The following RAB5B variants were observed in gnomAD, a reference collection of about 807,000 sequenced individuals.
RAB5B encodes RAB5B, member RAS oncogene family, also known as ras-related protein Rab-5B.
A neutral mutation model predicts 28.6 loss-of-function variants in RAB5B; 11 were observed. That is an observed-to-expected ratio of 0.38 (90% confidence interval 0.24 to 0.64). RAB5B has a LOEUF of 0.64. Ranked by LOEUF, RAB5B falls within the 30% of genes least tolerant of loss-of-function variation. The pLI is 0.53. For missense variants in RAB5B, 169 were observed against 265.6 expected (o/e 0.64, Z 2.53); for synonymous variants, 93 against 97.9 (o/e 0.95, Z 0.29).
At chr12:55,990,461 G>A (rs1890080618) in intron 3 of RAB5B, among the ~76,000 whole-genome samples, 1 of 152,106 alleles carries the variant, frequency 6.6e-6, no homozygotes, top group Non-Finnish European at 1.5e-5. Context: ...GTTAGTTTGG[G>A]GCAGGGGGTA....
intron 1 of RAB5B, among the ~76,000 whole-genome samples, chr12:55,979,983 A>G (rs1477430337): frequency 2.0e-5 from 3 of 152,136 alleles, no homozygotes; most frequent in African/African-American, 7.2e-5. Flanking sequence ...TTTTGTGCAA[A>G]TGGTGGCCTT....
intron 1 of RAB5B, chr12:55,980,732 T>G: frequency 6.3e-7 from 1 of 1,579,668 alleles, no homozygotes; most frequent in East Asian, 2.2e-5. Flanking sequence ...TTTCATCCAG[T>G]TCTGAATATT....
chr12:55,987,130 G>A lies in RAB5B; in HGVS notation c.163+7G>A. On this transcript the variant is annotated splice_region_variant and intron_variant, in intron 2 of 5. Transcript: ENST00000360299. ...CAGGAGAGCACCATTGGAGGTGAGT[G>A]CCTTGGGGTAATAGGAGATTGAATG... The A allele has an allele frequency of 1.9e-6, 3 of 1,609,414 alleles. No homozygotes were observed. The highest frequency in any genetic ancestry group is 2.5e-6 in the Non-Finnish European group (3 of 1,177,174).
chr12:55,977,635 G>A (rs528393980), intron 1 of RAB5B, among the ~76,000 whole-genome samples: 1 of 152,170 alleles, frequency 6.6e-6, no homozygotes, highest in Non-Finnish European at 1.5e-5. Flanking sequence ...CAGATTGGAA[G>A]GTAACCAAAG....
intron 2 of RAB5B, among the ~76,000 whole-genome samples, chr12:55,989,720 C>T (rs1448716449): frequency 6.6e-6 from 1 of 152,236 alleles, no homozygotes; most frequent in African/African-American, 2.4e-5. Flanking sequence ...GATGTACCCC[C>T]ATTCCTTAGC....
rs753249350 is a variant in RAB5B at position 55,992,351 on chromosome 12, G to A, written c.*139G>A. On this transcript the variant is annotated 3_prime_UTR_variant, in exon 6 of 6. Transcript: ENST00000360299. The stretch of plus-strand genomic sequence containing the variant: ...CCAAGGGCTGCCTCCTGACAGCTCC[G>A]TCATGGCACTTTTTAACGCTTCAGC... 2.5e-5 allele frequency: 19 copies of A among 751,496 alleles called. 1 individual carries two copies. Among genetic ancestry groups the A allele is most frequent in the Middle Eastern group, 4.8e-4 (2 of 4,124 alleles). The allele number at this position is 751,496 out of a possible 1,614,324, so 46.6% of individuals were successfully genotyped here. A position where few individuals can be genotyped will look rare whatever the true frequency, so the allele number is the denominator to read the frequency against.
intron 2 of RAB5B, among the ~76,000 whole-genome samples, chr12:55,988,296 C>G (rs117165060): frequency 1.3e-5 from 2 of 152,286 alleles, no homozygotes; most frequent in East Asian, 3.9e-4. Context: ...CACGCCAGTG[C>G]ATTTTATCCT....
intron 1 of RAB5B, chr12:55,985,569 CA>C: frequency 2.8e-6 from 1 of 352,796 alleles, no homozygotes; most frequent in Admixed American, 3.6e-5. Flanking sequence ...CTCAAAGTCC[CA>C]ACTCTTCTCT....
chr12:55,984,330 C>T (rs997490851), intron 1 of RAB5B, among the ~76,000 whole-genome samples: 1 of 152,154 alleles, frequency 6.6e-6, no homozygotes, highest in African/African-American at 2.4e-5. Context: ...GCTGGGACTA[C>T]AGGCACGCGC....
At chr12:55,981,001 C>T in intron 1 of RAB5B, 4 of 1,614,110 alleles carry the variant, frequency 2.5e-6, no homozygotes, top group Non-Finnish European at 3.4e-6. Context: ...CGATCAGCAG[C>T]AACTTGAAGA....
Position 55,990,816 on chromosome 12 carries a change from C to T in RAB5B, c.438+12C>T, listed in dbSNP as rs201099877. 22 of 1,612,768 alleles carry T rather than the reference C, an allele frequency of 1.4e-5. No homozygotes were observed. Among genetic ancestry groups the T allele is most frequent in the Admixed American group, 1.7e-5 (1 of 59,934 alleles). On this transcript the variant is annotated intron_variant, in intron 4 of 5. Transcript: ENST00000360299. ...TGGTGGAGTATGAAGTAAGGTGGCC[C>T]GTGGAGTTCCTCTCTAACACTTCCT... is the stretch of plus-strand genomic sequence containing the variant.
chr12:55,995,972 C>CATATATATATATATATAT lies in RAB5B; in HGVS notation c.*3771_*3772insTATATATATATATATATA, dbSNP rs34061457. Reference sequence around the variant, plus strand: ...CTCTCTCTCTCACTCTCTCTCTCTCCATATATATATACATATATATATATA... The same window carrying CATATATATATATATATAT: ...CTCTCTCTCTCACTCTCTCTCTCTCCATATATATATATATATATATATATATATACATATATATATATA... On this transcript the variant is annotated 3_prime_UTR_variant, in exon 6 of 6. Transcript: ENST00000360299. 1 of 108,920 alleles carries CATATATATATATATATAT rather than the reference C, an allele frequency of 9.2e-6. No individual in the cohort carries two copies. The highest frequency in any genetic ancestry group is 4.0e-5 in the African/African-American group (1 of 25,098). 6.7% of individuals were successfully genotyped at this position (108,920 alleles called of 1,614,324 possible).
chr12:55,984,299 C>T (rs2136480249), intron 1 of RAB5B, among the ~76,000 whole-genome samples: 1 of 152,180 alleles, frequency 6.6e-6, no homozygotes, highest in Non-Finnish European at 1.5e-5. Flanking sequence ...AAGCAGTTCA[C>T]CTGCCTCAAC....
intron 1 of RAB5B, among the ~76,000 whole-genome samples, chr12:55,982,390 A>G (rs1017305160): frequency 3.3e-5 from 5 of 152,248 alleles, no homozygotes; most frequent in African/African-American, 1.2e-4. Context: ...ACCCTTATAA[A>G]CATGATAAGA....
At position 55,990,081 on chromosome 12, in the gene RAB5B, T is replaced by C. The variant is rs1354150109; in HGVS notation, c.298T>C (p.Tyr100His). 2 of 1,613,876 alleles carry C rather than the reference T, an allele frequency of 1.2e-6. No individual in the cohort carries two copies. The highest frequency in any genetic ancestry group is 3.3e-5 in the Admixed American group (2 of 59,944). The change falls in exon 3 of 6, where the codon TAC becomes CAC. Residue 100 changes from tyrosine (Y) to histidine (H), a missense_variant. Coordinates refer to ENST00000360299, the MANE Select transcript of RAB5B (RefSeq NM_002868.4). ...GGGTGCCCAAGCTGCAATCGTGGTTTACGACATTACTAATCAGGTAAGTGA... is the reference window on the plus strand; with the variant it reads ...GGGTGCCCAAGCTGCAATCGTGGTTCACGACATTACTAATCAGGTAAGTGA... ...YRGAQAAIVV[Y>H]DITNQETFAR...
chr12:55,977,932 T>G (rs916484077), intron 1 of RAB5B, among the ~76,000 whole-genome samples: 2 of 152,192 alleles, frequency 1.3e-5, no homozygotes, highest in Admixed American at 6.5e-5. Flanking sequence ...AGTCAGGAAT[T>G]AATAGATAGT....
chr12:55,984,785 T>C (rs1198856922), intron 1 of RAB5B, among the ~76,000 whole-genome samples: 1 of 152,220 alleles, frequency 6.6e-6, no homozygotes, highest in Non-Finnish European at 1.5e-5. Context: ...CTGTGGCTGC[T>C]TTTTAGGAAT....
chr12:55,987,148 A>G, intron 2 of RAB5B, 25 bp downstream of exon 2: 1 of 1,570,832 alleles, frequency 6.4e-7, no homozygotes, highest in South Asian at 1.2e-5. Flanking sequence ...GTAATAGGAG[A>G]TTGAATGTTT....
In RAB5B at chr12:55,987,941, G is replaced by A. The variant is rs553714104; in HGVS notation, c.163+818G>A. ...GCAGGCGGATCACTTGAGGCCAGGAGTTCAAGACCAGCCTGGCCAACAAGG... is the reference window on the plus strand; with the variant it reads ...GCAGGCGGATCACTTGAGGCCAGGAATTCAAGACCAGCCTGGCCAACAAGG... On this transcript the variant is annotated intron_variant, in intron 2 of 5. Transcript: ENST00000360299. Among the ~76,000 whole-genome samples the A allele has an allele frequency of 5.3e-5, 8 of 151,876 alleles. No individual in the cohort carries two copies. The East Asian group carries it at 1.6e-3, about 30-fold the overall frequency.
Sources: allele counts gnomAD v4.1 joint callset (sites outside exome capture counted in the v4.1 genomes callset), GRCh38; gene constraint gnomAD v4.1.1; transcripts MANE v1.5; gene names NCBI Gene and HGNC (gene_info 2026-07-23, HGNC 2026-07-21).